Variants in NAV2 observed in about 807,000 individuals in gnomAD.
The protein encoded by NAV2 is helicase, APC down-regulated 1.
NAV2 carries 54 observed loss-of-function variants against 223.2 expected under a neutral mutation model. The ratio of observed to expected loss-of-function variants is 0.24; its 90% CI spans 0.19 to 0.30. The LOEUF is 0.30. NAV2 is among the 10% of genes least tolerant of loss of function. The probability of loss-of-function intolerance (pLI) is 1.00; values close to 1 mark genes in which losing one functional copy is unlikely to be tolerated. For synonymous variants in NAV2, 1,279 were observed against 1,239.3 expected (o/e 1.03, Z -0.67); for missense variants, 2,806 against 3,147.5 (o/e 0.89, Z 2.60).
intron 1 of NAV2, among the ~76,000 whole-genome samples, chr11:19,500,942 A>T (rs1260792272): frequency 1.3e-5 from 2 of 152,216 alleles, no homozygotes; most frequent in African/African-American, 4.8e-5. Flanking sequence ...ATAGGTTAGA[A>T]GTCTGACAGC....
chr11:19,707,724 T>C (rs971036191), intron 1 of NAV2, among the ~76,000 whole-genome samples: 1 of 152,244 alleles, frequency 6.6e-6, no homozygotes, highest in Non-Finnish European at 1.5e-5. Context: ...TCATCAACTA[T>C]ATAAAGTATT....
rs1054215369 is a variant in NAV2 at position 19,907,567 on chromosome 11, G to A, written c.931+14973G>A. On this transcript the variant is annotated intron_variant, in intron 6 of 37. Transcript: ENST00000349880. The stretch of plus-strand genomic sequence containing the variant: ...GAGACAGAAGTATTGATTGAAACTA[G>A]TGAACACTGAAAGAAGCATTTGTTA... Among the ~76,000 whole-genome samples, 8 of 152,002 alleles carry A rather than the reference G, an allele frequency of 5.3e-5. No homozygotes were observed. In the East Asian group the frequency reaches 1.2e-3, roughly 22 times the overall value.
chr11:19,705,206 C>T (rs188671984), intron 1 of NAV2, among the ~76,000 whole-genome samples: 1 of 152,114 alleles, frequency 6.6e-6, no homozygotes, highest in East Asian at 1.9e-4. Flanking sequence ...CATGTCAGAT[C>T]CAGCCTAGAA....
intron 1 of NAV2, among the ~76,000 whole-genome samples, chr11:19,379,491 G>C (rs928591509): frequency 2.0e-5 from 3 of 152,158 alleles, no homozygotes; most frequent in Admixed American, 6.5e-5. Context: ...TCCTTCTTCT[G>C]TCCATTTCCT....
At chr11:19,714,499 C>T (rs1389568167) in intron 1 of NAV2, 1 of 455,910 alleles carries the variant, frequency 2.2e-6, no homozygotes, top group South Asian at 1.5e-5. Context: ...GTCCCTGCCC[C>T]ATCCTGCGGG....
chr11:19,592,935 C>T (rs934505786), intron 1 of NAV2, among the ~76,000 whole-genome samples: 3 of 152,134 alleles, frequency 2.0e-5, no homozygotes, highest in South Asian at 2.1e-4. Flanking sequence ...GTCCCTTTCA[C>T]CTGGTTTTCT....
intron 1 of NAV2, among the ~76,000 whole-genome samples, chr11:19,574,165 G>C (rs772520960): frequency 2.9e-4 from 44 of 152,326 alleles, no homozygotes; most frequent in Admixed American, 6.5e-4. Context: ...GCAAGTTACT[G>C]AGCATTCCTG....
upstream of NAV2, among the ~76,000 whole-genome samples, chr11:19,347,668 C>T (rs925439560): frequency 6.6e-6 from 1 of 152,190 alleles, no homozygotes; most frequent in African/African-American, 2.4e-5. Flanking sequence ...CTTTCCCTTG[C>T]AGCCGCTCAG....
At chr11:19,601,361 C>T (rs2046345073) in intron 1 of NAV2, among the ~76,000 whole-genome samples, 1 of 152,196 alleles carries the variant, frequency 6.6e-6, no homozygotes, top group Non-Finnish European at 1.5e-5. Flanking sequence ...TACAATTTCT[C>T]CTTCCCTTGC....
intron 1 of NAV2, among the ~76,000 whole-genome samples, chr11:19,741,940 A>G (rs1045081864): frequency 2.8e-4 from 42 of 152,112 alleles, no homozygotes; most frequent in African/African-American, 5.3e-4. Flanking sequence ...GCTATTTTTC[A>G]TAATGCCTGC....
At chr11:19,763,119 G>A (rs1190446940) in intron 1 of NAV2, among the ~76,000 whole-genome samples, 1 of 152,186 alleles carries the variant, frequency 6.6e-6, no homozygotes, top group Non-Finnish European at 1.5e-5. Flanking sequence ...AAAAGTATCT[G>A]GACCGCAGTA....
chr11:19,452,462 C>T (rs1243227208), intron 1 of NAV2, among the ~76,000 whole-genome samples: 2 of 152,168 alleles, frequency 1.3e-5, no homozygotes, highest in South Asian at 4.1e-4. Flanking sequence ...CCATCCTCTT[C>T]CATAGCCCAC....
chr11:19,698,961 C>T (rs1233745414), intron 1 of NAV2, among the ~76,000 whole-genome samples: 1 of 152,180 alleles, frequency 6.6e-6, no homozygotes, highest in African/African-American at 2.4e-5. Flanking sequence ...TAGCCCCCTG[C>T]CTTATGAAGA....
intron 1 of NAV2, among the ~76,000 whole-genome samples, chr11:19,499,203 C>A (rs140590024): frequency 1.4e-3 from 211 of 152,226 alleles, no homozygotes; most frequent in African/African-American, 4.9e-3. Flanking sequence ...GCCTAAATGG[C>A]GAGCAATTAA....
chr11:19,799,551 A>G (rs1276729477), intron 1 of NAV2, among the ~76,000 whole-genome samples: 1 of 125,994 alleles, frequency 7.9e-6, no homozygotes, highest in Non-Finnish European at 1.6e-5. Flanking sequence ...GACGCCCGTT[A>G]TAGTGGTGCG....
intron 1 of NAV2, among the ~76,000 whole-genome samples, chr11:19,654,624 A>AT (rs1383467738): frequency 1.3e-5 from 2 of 152,272 alleles, no homozygotes; most frequent in African/African-American, 4.8e-5. Flanking sequence ...CAAACCTGAC[A>AT]AAAACAAGAA....
At chr11:19,994,162 A>ATTGG (rs2051626692) in intron 11 of NAV2, among the ~76,000 whole-genome samples, 1 of 152,218 alleles carries the variant, frequency 6.6e-6, no homozygotes, top group Non-Finnish European at 1.5e-5. Context: ...ATCCTTTAGA[A>ATTGG]ACATTACCCA....
intron 10 of NAV2, among the ~76,000 whole-genome samples, chr11:19,950,590 G>A (rs566591323): frequency 1.9e-3 from 284 of 152,320 alleles, no homozygotes; most frequent in Non-Finnish European, 3.3e-3. Flanking sequence ...AAAAGCTGAG[G>A]CATAGAGGTG....
intron 1 of NAV2, among the ~76,000 whole-genome samples, chr11:19,715,781 AT>A: frequency 6.6e-6 from 1 of 152,322 alleles, no homozygotes; most frequent in South Asian, 2.1e-4. Context: ...CCCTTGGTCC[AT>A]AATCCCCCCA....
Sources: allele counts gnomAD v4.1 joint callset (sites outside exome capture counted in the v4.1 genomes callset), GRCh38; gene constraint gnomAD v4.1.1; transcripts MANE v1.5; gene names NCBI Gene and HGNC (gene_info 2026-07-23, HGNC 2026-07-21).